Variants in LRPPRC observed in about 807,000 individuals in gnomAD.
The protein encoded by LRPPRC is leucine rich pentatricopeptide repeat containing, also known as leucine-rich PPR motif-containing protein, mitochondrial.
Under a neutral mutation model 180.3 loss-of-function variants are expected in LRPPRC, and 120 were observed. The ratio of observed to expected loss-of-function variants is 0.67; its 90% CI spans 0.57 to 0.77. The LOEUF is 0.77. Ranked by LOEUF, LRPPRC falls within the 30% of genes least tolerant of loss-of-function variation. The pLI, the probability that LRPPRC is intolerant of heterozygous loss-of-function variation, is 0.00. For synonymous variants in LRPPRC, 723 were observed against 600.0 expected (o/e 1.21, Z -3.00); for missense variants, 2,012 against 1,657.2 (o/e 1.21, Z -3.72).
chr2:43,932,395 G>C (rs899171991), intron 25 of LRPPRC, among the ~76,000 whole-genome samples: 2 of 151,776 alleles, frequency 1.3e-5, no homozygotes, highest in Non-Finnish European at 2.9e-5. Flanking sequence ...TGCTTTTTTT[G>C]GGAATGATAA....
chr2:43,936,146 A>T (rs1672269457), intron 23 of LRPPRC, among the ~76,000 whole-genome samples: 1 of 152,038 alleles, frequency 6.6e-6, no homozygotes. Flanking sequence ...TCTACTTGCC[A>T]CCCCCTTTTA....
At chr2:43,948,021 A>T in intron 18 of LRPPRC, 101 bp downstream of exon 18, 2 of 862,856 alleles carry the variant, frequency 2.3e-6, no homozygotes, top group Admixed American at 1.9e-5. Flanking sequence ...ATTGAAACAA[A>T]TTTTTTTTCT....
In LRPPRC at chr2:43,975,183, T is replaced by C. The variant is rs1572568017; in HGVS notation, c.772A>G (p.Met258Val). The change falls in exon 7 of 38, where the codon ATG (methionine) becomes GTG (valine). Residue 258 changes from methionine to valine, a missense_variant. By Grantham distance (21) the Met-to-Val change is conservative. Transcript: ENST00000260665. ...CCAGGCTCAATTCCGGCATCTCTCA[T>C]CACTGTGAGAATGTTTTCTGCATTC... ...MENAENILTVMRDAGIEPGPD... is the reference protein window; with the variant it reads ...MENAENILTVVRDAGIEPGPD... 1 of 1,613,348 alleles carries C rather than the reference T, an allele frequency of 6.2e-7. No individual in the cohort carries two copies. The highest frequency in any genetic ancestry group is 2.2e-5 in the East Asian group (1 of 44,842).
chr2:43,906,916 T>C (rs182413802), intron 30 of LRPPRC, among the ~76,000 whole-genome samples: 38 of 152,304 alleles, frequency 2.5e-4, no homozygotes, highest in African/African-American at 7.9e-4. Flanking sequence ...AGTTTGACTT[T>C]TCTCCCTTTG....
Position 43,934,331 on chromosome 2 carries a change from G to GA in LRPPRC, c.2630-36dup, listed in dbSNP as rs753654626. 1.1e-3 allele frequency: 1,081 copies of GA among 976,670 alleles called. 1 individual carries two copies. Among genetic ancestry groups the GA allele is most frequent in the Admixed American group, 2.8e-3 (132 of 47,974 alleles). 60.5% of individuals were successfully genotyped at this position (976,670 alleles called of 1,614,324 possible). On this transcript the variant is annotated intron_variant, in intron 24 of 37. Transcript: ENST00000260665. ...AGAGAAAAAAATATATATATTAGGAGAAAAAAAAACCCAGAAAAACAGTAT... is the reference window on the plus strand; with the variant it reads ...AGAGAAAAAAATATATATATTAGGAGAAAAAAAAAACCCAGAAAAACAGTAT...
intron 36 of LRPPRC, 150 bp from the exon 37 acceptor site, chr2:43,890,026 C>G: frequency 1.5e-6 from 1 of 653,532 alleles, no homozygotes; most frequent in East Asian, 2.7e-5. Context: ...CATTCAGAAT[C>G]TACCATCTCC....
chr2:43,966,545 G>C (rs1359842129), intron 11 of LRPPRC, among the ~76,000 whole-genome samples: 2 of 151,612 alleles, frequency 1.3e-5, no homozygotes, highest in Non-Finnish European at 2.9e-5. Context: ...TGAGTAGCTG[G>C]GACTACAGGC....
At chr2:43,965,084 C>G (rs1471159407) in intron 11 of LRPPRC, among the ~76,000 whole-genome samples, 1 of 152,186 alleles carries the variant, frequency 6.6e-6, no homozygotes, top group Non-Finnish European at 1.5e-5. Flanking sequence ...TCACTACAAC[C>G]TCCACCTCCC....
chr2:43,889,314 C>CAAAAAAAAAAAAA (rs780032604), intron 37 of LRPPRC, among the ~76,000 whole-genome samples: 16 of 38,342 alleles, frequency 4.2e-4, no homozygotes, highest in African/African-American at 1.9e-3. Flanking sequence ...GACTCCATCT[C>CAAAAAAAAAAAAA]AAAAAAAAAA....
intron 30 of LRPPRC, among the ~76,000 whole-genome samples, chr2:43,911,516 TCTTC>T (rs1210620255): frequency 4.6e-5 from 6 of 131,396 alleles, no homozygotes; most frequent in African/African-American, 1.5e-4. Flanking sequence ...TTCTTCTTCT[TCTTC>T]TTCTTTTTTT....
At chr2:43,982,482 G>A in intron 1 of LRPPRC, 48 bp from the exon 2 acceptor site, 1 of 1,414,910 alleles carries the variant, frequency 7.1e-7, no homozygotes, top group Middle Eastern at 1.8e-4. Flanking sequence ...ATCTATTTAG[G>A]TCATTTTTTG....
chr2:43,953,888 T>C (rs750980224), intron 14 of LRPPRC, among the ~76,000 whole-genome samples: 1 of 152,160 alleles, frequency 6.6e-6, no homozygotes, highest in Admixed American at 6.5e-5. Context: ...TACTCAATAA[T>C]GGCCAGGCCG....
intron 31 of LRPPRC, chr2:43,903,391 G>C (rs1670956332): frequency 6.6e-6 from 1 of 152,118 alleles, no homozygotes; most frequent in African/African-American, 2.4e-5. Flanking sequence ...TTCTGCTTTA[G>C]ATGGGGTTGA....
chr2:43,983,426 T>A (rs1674397502), intron 1 of LRPPRC, among the ~76,000 whole-genome samples: 1 of 152,140 alleles, frequency 6.6e-6, no homozygotes, highest in Non-Finnish European at 1.5e-5. Flanking sequence ...CTCTAGGCTA[T>A]TCTAGGTAAA....
At chr2:43,953,634 G>C (rs1021178720) in intron 14 of LRPPRC, among the ~76,000 whole-genome samples, 1 of 152,150 alleles carries the variant, frequency 6.6e-6, no homozygotes, top group Non-Finnish European at 1.5e-5. Context: ...CACCAAAAAA[G>C]GATTTAAGTC....
chr2:43,889,560 T>TCCGACTG (rs1426793736), intron 37 of LRPPRC, among the ~76,000 whole-genome samples, 174 bp downstream of exon 37: 2 of 152,138 alleles, frequency 1.3e-5, no homozygotes, highest in Admixed American at 1.3e-4. Flanking sequence ...AGCTATGTTC[T>TCCGACTG]CCGACTGCCG....
intron 29 of LRPPRC, among the ~76,000 whole-genome samples, chr2:43,917,225 G>A (rs1172625922): frequency 6.6e-6 from 1 of 151,622 alleles, no homozygotes; most frequent in Admixed American, 6.6e-5. Context: ...ATTTCTAGTA[G>A]AGATGGAGTT....
chr2:43,974,400 A>G (rs1480720416), intron 8 of LRPPRC, 105 bp from the exon 9 acceptor site: 1 of 914,880 alleles, frequency 1.1e-6, no homozygotes, highest in African/African-American at 1.6e-5. Context: ...CAAACATCAA[A>G]AGCATATAAC....
intron 36 of LRPPRC, chr2:43,890,446 G>A: frequency 2.4e-6 from 1 of 423,302 alleles, no homozygotes; most frequent in Non-Finnish European, 4.9e-6. Context: ...GGGCGCAGTG[G>A]CTCACGCCTG....
Sources: gnomAD v4.1 joint callset for allele counts (sites outside exome capture counted in the v4.1 genomes callset) on GRCh38, gnomAD v4.1.1 for gene constraint, MANE v1.5 for transcripts, NCBI Gene and HGNC (gene_info 2026-07-23, HGNC 2026-07-21) for gene names.